PRKDC: variants seen among roughly 807,000 people sequenced by gnomAD.
The protein encoded by PRKDC is DNA-dependent protein kinase catalytic subunit.
A neutral mutation model predicts 486.9 loss-of-function variants in PRKDC; 82 were observed. That is an observed-to-expected ratio of 0.17 (90% CI 0.14 to 0.20). PRKDC has a LOEUF of 0.20. Ranked by LOEUF, PRKDC falls within the 10% of genes least tolerant of loss-of-function variation. PRKDC has a pLI of 1.00. For synonymous variants in PRKDC, 1,895 were observed against 1,837.0 expected, an observed-to-expected ratio of 1.03 and a Z score of -0.81; for missense variants, 4,504 against 5,038.2, an observed-to-expected ratio of 0.89 and a Z score of 3.21.
intron 71 of PRKDC, among the ~76,000 whole-genome samples, chr8:47,799,758 CAA>C (rs2087059446): frequency 6.6e-6 from 1 of 152,106 alleles, no homozygotes; most frequent in African/African-American, 2.4e-5. Flanking sequence ...AAGGAGAAGA[CAA>C]GGCCCCACAA....
At chr8:47,801,304 T>C (rs1031546729) in intron 70 of PRKDC, among the ~76,000 whole-genome samples, 2 of 152,210 alleles carry the variant, frequency 1.3e-5, no homozygotes, top group South Asian at 4.1e-4. Context: ...ACTCCTGAGC[T>C]CTAGCAATCT....
chr8:47,958,318 A>G (rs1169874535), intron 1 of PRKDC, among the ~76,000 whole-genome samples: 1 of 152,174 alleles, frequency 6.6e-6, no homozygotes, highest in East Asian at 1.9e-4. Context: ...GAATAAGGCA[A>G]TGGATCCTCC....
Position 47,863,514 on chromosome 8 carries a change from C to T in PRKDC, c.5635G>A (p.Val1879Met), listed in dbSNP as rs1386351442. The T allele has an allele frequency of 3.1e-6, 5 of 1,612,662 alleles. No individual in the cohort carries two copies. Among genetic ancestry groups the T allele is most frequent in the East Asian group, 2.2e-5 (1 of 44,732 alleles). ...TCTTTGGGAAGGCGAGAATACATCA[C>T]GTCTAGAATCTTATAGTAGCCCATC... ...KKMGYYKILD[V>M]MYSRLPKDDV... Residue 1879 changes from valine to methionine, a missense_variant, in exon 42 of 86, where the codon GTG becomes ATG. By Grantham distance (21) the Val-to-Met change is conservative. Around this residue, in one of 6 missense-constraint regions of PRKDC, gnomAD observed 80 missense variants for 132.3 expected, o/e 0.60. Transcript: ENST00000314191.
At chr8:47,779,707 A>G (rs928419284) in intron 80 of PRKDC, among the ~76,000 whole-genome samples, 27 of 151,820 alleles carry the variant, frequency 1.8e-4, no homozygotes, top group African/African-American at 6.3e-4. Context: ...CTCCTGCTTC[A>G]GCTTCCTGAG....
At chr8:47,789,395 T>C (rs113668485) in intron 74 of PRKDC, among the ~76,000 whole-genome samples, 157 bp from the exon 75 acceptor site, 3 of 150,966 alleles carry the variant, frequency 2.0e-5, no homozygotes, top group Non-Finnish European at 4.4e-5. Context: ...CATATATATA[T>C]AACCAACTAC....
chr8:47,948,753 C>T (rs1212856838), intron 7 of PRKDC, among the ~76,000 whole-genome samples: 8 of 152,070 alleles, frequency 5.3e-5, no homozygotes, highest in Admixed American at 1.3e-4. Flanking sequence ...TGAGCCACCG[C>T]GCCCGGCCCT....
At chr8:47,797,281 T>C (rs1050613092) in intron 73 of PRKDC, among the ~76,000 whole-genome samples, 4 of 152,358 alleles carry the variant, frequency 2.6e-5, no homozygotes, top group African/African-American at 9.6e-5. Flanking sequence ...TTATCATGTA[T>C]AAATATTATA....
chr8:47,819,367 A>T, intron 67 of PRKDC, 35 bp downstream of exon 67: 2 of 1,317,120 alleles, frequency 1.5e-6, no homozygotes, highest in South Asian at 1.4e-5. Flanking sequence ...TTCCACAATT[A>T]GAAATGAAAA....
chr8:47,923,070 T>TC (rs1315151279), intron 21 of PRKDC, among the ~76,000 whole-genome samples: 2 of 151,830 alleles, frequency 1.3e-5, no homozygotes, highest in African/African-American at 4.8e-5. Context: ...GTCATTCTTT[T>TC]TTTTTTTTTT....
intron 85 of PRKDC, among the ~76,000 whole-genome samples, chr8:47,775,828 T>TA (rs1353479949): frequency 1.3e-5 from 2 of 151,820 alleles, no homozygotes; most frequent in African/African-American, 4.8e-5. Context: ...ATTCCTTTTT[T>TA]TTTTTTTTTT....
In PRKDC at chr8:47,871,662, G is replaced by A. The variant is rs537820432; in HGVS notation, c.5363+6062C>T. On this transcript the variant is annotated intron_variant, in intron 40 of 85. Coordinates refer to ENST00000314191, the MANE Select transcript of PRKDC (RefSeq NM_006904.7). ...TGCCCAGGCTGGAGTGCAGTGGCAC[G>A]ATCTTAGCTCACTGCGACCTCCACC... Among the ~76,000 whole-genome samples the A allele has an allele frequency of 1.1e-3, 164 of 152,180 alleles. 1 individual carries two copies. The highest frequency in any genetic ancestry group is 0.01 in the Middle Eastern group (3 of 294).
In PRKDC at chr8:47,794,513, A is replaced by C; in HGVS notation, c.10459-12T>G. 1.3e-6 allele frequency: 2 copies of C among 1,570,900 alleles called. No homozygotes were observed. Among genetic ancestry groups the C allele is most frequent in the Non-Finnish European group, 1.7e-6 (2 of 1,144,310 alleles). ...GGAACGGAAGAGATCTAAAACAGAG[A>C]GCTGAAACTTAATGCTGAGTAAAAC... On this transcript the variant is annotated splice_polypyrimidine_tract_variant and intron_variant, in intron 73 of 85. Coordinates refer to ENST00000314191, the MANE Select transcript of PRKDC (RefSeq NM_006904.7).
At chr8:47,916,184 C>T (rs551124578) in intron 22 of PRKDC, among the ~76,000 whole-genome samples, 16 of 152,150 alleles carry the variant, frequency 1.1e-4, no homozygotes, top group Non-Finnish European at 1.9e-4. Flanking sequence ...CGCAGTGGCT[C>T]ACACCTGTAT....
intron 33 of PRKDC, 33 bp downstream of exon 33, chr8:47,888,981 C>A: frequency 6.3e-7 from 1 of 1,592,084 alleles, no homozygotes; most frequent in Non-Finnish European, 8.6e-7. Context: ...AATTCCAGGA[C>A]AACATGTCCC....
chr8:47,935,549 A>C (rs1478997815), intron 13 of PRKDC, among the ~76,000 whole-genome samples, 183 bp downstream of exon 13: 2 of 152,114 alleles, frequency 1.3e-5, no homozygotes, highest in Non-Finnish European at 2.9e-5. Flanking sequence ...TATTAATAGA[A>C]CTATTAAAAT....
chr8:47,891,722 GA>G (rs1435356935), intron 31 of PRKDC, among the ~76,000 whole-genome samples: 1 of 151,814 alleles, frequency 6.6e-6, no homozygotes. Context: ...TTTCAAAAAA[GA>G]AAAAAACTAA....
rs750298710 is a variant in PRKDC, at chr8:47,831,922, C to T, written c.8157G>A (p.Ala2719=). 3 of 1,611,800 alleles carry T rather than the reference C, an allele frequency of 1.9e-6. No individual in the cohort carries two copies. The highest frequency in any genetic ancestry group is 2.5e-6 in the Non-Finnish European group (3 of 1,178,168). ...GTCGTAGTAGGTCCGTCCGGCCGGCCGCACCTGGAGAGGGAAAGCAGGCCC... is the reference window on the plus strand; with the variant it reads ...GTCGTAGTAGGTCCGTCCGGCCGGCTGCACCTGGAGAGGGAAAGCAGGCCC... The part of the protein sequence containing the change: ...GDEVDNKVKG[A]AGRTDLLRLR... Residue 2719 remains alanine, a synonymous_variant, in exon 60 of 86, where the codon GCG becomes GCA. Transcript: ENST00000314191.
At chr8:47,915,749 G>T (rs1174564709) in intron 22 of PRKDC, among the ~76,000 whole-genome samples, 1 of 152,230 alleles carries the variant, frequency 6.6e-6, no homozygotes, top group Non-Finnish European at 1.5e-5. Context: ...CCATTCCACA[G>T]TAGTGCAGAT....
Position 47,849,400 on chromosome 8 carries a change from C to G in PRKDC, c.7109G>C (p.Ser2370Thr), listed in dbSNP as rs1337092489. 1 of 1,614,060 alleles carries G rather than the reference C, an allele frequency of 6.2e-7. No individual in the cohort carries two copies. The highest frequency in any genetic ancestry group is 8.5e-7 in the Non-Finnish European group (1 of 1,179,910). The change falls in exon 53 of 86, where the codon AGC (serine) becomes ACC (threonine). Residue 2370 changes from serine to threonine, a missense_variant. Physicochemically the swap from Ser to Thr is moderately conservative, Grantham distance 58. Coordinates refer to ENST00000314191, the MANE Select transcript of PRKDC (RefSeq NM_006904.7). ...ATACCTGTCTGCAAGAGGAGGGAAGCTCTTGGTCACTTTGTTCAAGCACAC... is the reference window on the plus strand; with the variant it reads ...ATACCTGTCTGCAAGAGGAGGGAAGGTCTTGGTCACTTTGTTCAAGCACAC... ...FIVCLNKVTK[S>T]FPPLADRFMN...
Sources: gnomAD v4.1 joint callset for allele counts (sites outside exome capture counted in the v4.1 genomes callset) on GRCh38, gnomAD v4.1.1 for gene constraint, gnomAD v4.1.1 regional missense constraint, MANE v1.5 for transcripts, NCBI Gene and HGNC (gene_info 2026-07-23, HGNC 2026-07-21) for gene names.